COL25A1: variants seen among roughly 807,000 people sequenced by gnomAD.
COL25A1 encodes collagen alpha-1(XXV) chain.
COL25A1 carries 103 observed loss-of-function variants against 128.4 expected under a neutral mutation model. The ratio of observed to expected loss-of-function variants is 0.80; its 90% confidence interval spans 0.68 to 0.94. COL25A1 has a LOEUF of 0.94. COL25A1 is among the 40% of genes least tolerant of loss of function. The pLI is 0.00. For missense variants in COL25A1, 745 were observed against 840.0 expected, an observed-to-expected ratio of 0.89 and a Z score of 1.40; for synonymous variants, 279 against 277.2, an observed-to-expected ratio of 1.01 and a Z score of -0.06.
chr4:108,943,315 T>A (rs1241497464), intron 8 of COL25A1, among the ~76,000 whole-genome samples: 1 of 152,200 alleles, frequency 6.6e-6, no homozygotes. Flanking sequence ...GGACATACAA[T>A]ACGTGTATTA....
chr4:108,877,684 G>T (rs958655063), intron 19 of COL25A1, among the ~76,000 whole-genome samples: 1 of 151,430 alleles, frequency 6.6e-6, no homozygotes, highest in Non-Finnish European at 1.5e-5. Context: ...AACAACACAT[G>T]AACAACTACC....
chr4:108,916,831 G>A (rs1329058028), intron 13 of COL25A1, among the ~76,000 whole-genome samples: 1 of 152,088 alleles, frequency 6.6e-6, no homozygotes, highest in Non-Finnish European at 1.5e-5. Context: ...CGACATGGGC[G>A]GTTAACTGCT....
chr4:108,983,924 G>C (rs1480366187), intron 6 of COL25A1, among the ~76,000 whole-genome samples: 1 of 152,110 alleles, frequency 6.6e-6, no homozygotes, highest in Non-Finnish European at 1.5e-5. Context: ...GTGTGGAAGG[G>C]GACCCAAGCG....
chr4:108,831,192 TAAATATTAATAA>T (rs1733057608), intron 32 of COL25A1, among the ~76,000 whole-genome samples: 1 of 151,554 alleles, frequency 6.6e-6, no homozygotes, highest in Non-Finnish European at 1.5e-5. Context: ...TATATATTAA[TAAATATTAATAA>T]AAATATTAAT....
At chr4:109,061,868 A>T (rs1236826507) in intron 3 of COL25A1, among the ~76,000 whole-genome samples, 1 of 152,216 alleles carries the variant, frequency 6.6e-6, no homozygotes, top group Non-Finnish European at 1.5e-5. Flanking sequence ...TAATAATTCT[A>T]GCACTTTACT....
intron 15 of COL25A1, among the ~76,000 whole-genome samples, chr4:108,897,721 A>G (rs1444789172): frequency 6.6e-6 from 1 of 152,210 alleles, no homozygotes; most frequent in Non-Finnish European, 1.5e-5. Context: ...TCTATTACTC[A>G]AAAAGTTTCT....
chr4:109,048,100 TTAA>T, intron 5 of COL25A1, 65 bp downstream of exon 5: 1 of 1,531,990 alleles, frequency 6.5e-7, no homozygotes, highest in Non-Finnish European at 9.0e-7. Flanking sequence ...TTTTGGTGTT[TTAA>T]CAAAGTTTTA....
chr4:109,100,083 C>T (rs549702510), intron 3 of COL25A1, among the ~76,000 whole-genome samples: 3 of 152,242 alleles, frequency 2.0e-5, no homozygotes, highest in African/African-American at 7.2e-5. Context: ...AAATCGGGCA[C>T]ATCCATACAC....
chr4:109,280,157 T>C (rs1367579229), intron 3 of COL25A1, among the ~76,000 whole-genome samples: 1 of 152,210 alleles, frequency 6.6e-6, no homozygotes, highest in Non-Finnish European at 1.5e-5. Flanking sequence ...GACAACATGA[T>C]TAAATGTTGA....
intron 3 of COL25A1, among the ~76,000 whole-genome samples, chr4:109,085,939 T>G (rs1764322513): frequency 6.6e-6 from 1 of 152,212 alleles, no homozygotes; most frequent in South Asian, 2.1e-4. Flanking sequence ...TAAAGTTTAC[T>G]AAATCCAAAG....
intron 3 of COL25A1, among the ~76,000 whole-genome samples, chr4:109,118,470 T>C (rs1767811423): frequency 6.6e-6 from 1 of 151,916 alleles, no homozygotes; most frequent in Non-Finnish European, 1.5e-5. Context: ...ACTTCATAAA[T>C]ATATATAATT....
chr4:109,254,469 T>TTATATATATATA (rs55997800), intron 3 of COL25A1, among the ~76,000 whole-genome samples: 667 of 59,352 alleles, frequency 0.011, 7 homozygotes, highest in African/African-American at 0.014. Flanking sequence ...AGGCATATGT[T>TTATATATATATA]TATATATATA....
chr4:108,939,215 A>G (rs1236926936), intron 10 of COL25A1, among the ~76,000 whole-genome samples: 2 of 152,230 alleles, frequency 1.3e-5, no homozygotes, highest in African/African-American at 2.4e-5. Context: ...CCAGCAATCA[A>G]TGGGAGAGCT....
intron 8 of COL25A1, among the ~76,000 whole-genome samples, chr4:108,952,065 G>A (rs1749500253): frequency 6.6e-6 from 1 of 152,022 alleles, no homozygotes; most frequent in Non-Finnish European, 1.5e-5. Context: ...AAATGAATGT[G>A]GGTTTGAACA....
chr4:108,931,914 G>A (rs1442674675), intron 11 of COL25A1, among the ~76,000 whole-genome samples: 3 of 152,216 alleles, frequency 2.0e-5, no homozygotes, highest in Admixed American at 6.5e-5. Flanking sequence ...GGCTGATAAA[G>A]CATTAGAATG....
intron 3 of COL25A1, among the ~76,000 whole-genome samples, chr4:109,254,509 A>T (rs111709364): frequency 9.6e-6 from 1 of 104,534 alleles, no homozygotes; most frequent in Non-Finnish European, 1.9e-5. Context: ...ATATATATGT[A>T]TGTGTGTATA....
chr4:108,975,809 T>A (rs1312009655), intron 6 of COL25A1, among the ~76,000 whole-genome samples: 3 of 152,188 alleles, frequency 2.0e-5, no homozygotes, highest in Non-Finnish European at 4.4e-5. Flanking sequence ...ACATCCTTTT[T>A]CATAAAGTGT....
intron 6 of COL25A1, among the ~76,000 whole-genome samples, chr4:109,001,390 T>TCAGGTAGGCATCTGAGATCCTGC: frequency 6.6e-6 from 1 of 152,170 alleles, no homozygotes; most frequent in Non-Finnish European, 1.5e-5. Flanking sequence ...TGAGATCCTG[T>TCAGGTAGGCATCTGAGATCCTGC]CAGGTAGGCA....
chr4:109,285,442 A>T (rs1723786287), intron 3 of COL25A1, among the ~76,000 whole-genome samples: 1 of 152,264 alleles, frequency 6.6e-6, no homozygotes, highest in African/African-American at 2.4e-5. Flanking sequence ...GAATTCAAGT[A>T]TCAAATGTAA....
Sources: gnomAD v4.1 joint callset for allele counts (sites outside exome capture counted in the v4.1 genomes callset) on GRCh38, gnomAD v4.1.1 for gene constraint, MANE v1.5 for transcripts, NCBI Gene and HGNC (gene_info 2026-07-23, HGNC 2026-07-21) for gene names.